Variants in RPS6KC1 observed in about 807,000 individuals in gnomAD.
RPS6KC1 encodes the protein ribosomal protein S6 kinase C1.
A neutral mutation model predicts 103.8 loss-of-function variants in RPS6KC1; 54 were observed. The observed-to-expected ratio is 0.52, with a 90% CI of 0.42 to 0.65. The LOEUF (loss-of-function observed/expected upper bound fraction) is 0.65, where lower values mean the gene tolerates loss of function less well. Ranked by LOEUF, RPS6KC1 falls within the 30% of genes least tolerant of loss-of-function variation. The pLI is 0.00. For synonymous variants in RPS6KC1, 439 were observed against 438.7 expected (o/e 1.00, Z -0.01); for missense variants, 1,151 against 1,253.8 (o/e 0.92, Z 1.24).
the RPS6KC1 span, among the ~76,000 whole-genome samples, chr1:213,550,188 C>T: frequency 6.6e-6 from 1 of 152,144 alleles, no homozygotes; most frequent in Non-Finnish European, 1.5e-5. Flanking sequence ...CAATGGGAGG[C>T]ACAAGCATAG....
chr1:213,806,091 G>A, the RPS6KC1 span, among the ~76,000 whole-genome samples: 1 of 152,176 alleles, frequency 6.6e-6, no homozygotes, highest in East Asian at 1.9e-4. Context: ...CCAGCACTTT[G>A]GCAGGCTGAG....
the RPS6KC1 span, among the ~76,000 whole-genome samples, chr1:213,668,912 G>A: frequency 3.3e-5 from 5 of 152,270 alleles, no homozygotes; most frequent in East Asian, 7.7e-4. Flanking sequence ...CTTTTCTTCT[G>A]CAGCTTCCTC....
chr1:213,594,381 G>A, the RPS6KC1 span, among the ~76,000 whole-genome samples: 1 of 152,120 alleles, frequency 6.6e-6, no homozygotes, highest in African/African-American at 2.4e-5. Context: ...TAATGTTTTG[G>A]ATAGAGGGGT....
chr1:213,699,371 T>G, the RPS6KC1 span, among the ~76,000 whole-genome samples: 1 of 152,150 alleles, frequency 6.6e-6, no homozygotes, highest in East Asian at 1.9e-4. Context: ...GTTCCATCCA[T>G]TTTGTTCCAA....
At chr1:213,603,221 G>C in the RPS6KC1 span, among the ~76,000 whole-genome samples, 1 of 152,230 alleles carries the variant, frequency 6.6e-6, no homozygotes, top group African/African-American at 2.4e-5. Context: ...TTCAGAGCAG[G>C]GCTGCTGGCC....
chr1:213,373,389 ATTTGGGTTTAATGATGTTC>A, the RPS6KC1 span, among the ~76,000 whole-genome samples: 1 of 152,236 alleles, frequency 6.6e-6, no homozygotes, highest in African/African-American at 2.4e-5. Flanking sequence ...GGCACGATGC[ATTTGGGTTTAATGATGTTC>A]TTATTTCAGC....
chr1:213,713,552 A>G, the RPS6KC1 span, among the ~76,000 whole-genome samples: 30,702 of 152,128 alleles, frequency 0.2, 4,470 homozygotes, highest in African/African-American at 0.41. Flanking sequence ...TTTAATTACT[A>G]TCTTTTCATA....
At chr1:213,260,835 C>T (rs2094774405) in intron 12 of RPS6KC1, among the ~76,000 whole-genome samples, 2 of 150,530 alleles carry the variant, frequency 1.3e-5, no homozygotes, top group Non-Finnish European at 2.9e-5. Context: ...CCTGAAAACT[C>T]AAATTACATT....
chr1:213,400,734 TCTCG>T, the RPS6KC1 span, among the ~76,000 whole-genome samples: 2 of 150,956 alleles, frequency 1.3e-5, no homozygotes, highest in African/African-American at 2.4e-5. Flanking sequence ...TGAGACAGAG[TCTCG>T]CTCTGTCACC....
chr1:213,219,972 C>T (rs948143529), intron 8 of RPS6KC1, among the ~76,000 whole-genome samples: 10 of 151,852 alleles, frequency 6.6e-5, no homozygotes, highest in Non-Finnish European at 7.4e-5. Context: ...CAAACCTGCA[C>T]GTTGTGCACA....
At chr1:213,648,637 C>T in the RPS6KC1 span, among the ~76,000 whole-genome samples, 1 of 152,116 alleles carries the variant, frequency 6.6e-6, no homozygotes, top group African/African-American at 2.4e-5. Flanking sequence ...CTCCTACCTA[C>T]CAGCAGGCCA....
the RPS6KC1 span, among the ~76,000 whole-genome samples, chr1:213,329,493 T>C: frequency 6.6e-6 from 1 of 152,130 alleles, no homozygotes; most frequent in Non-Finnish European, 1.5e-5. Flanking sequence ...CTCTCATCTC[T>C]GCAGGAAGCC....
rs917334222 is a variant in RPS6KC1, at chr1:213,093,364, C to T, written c.263-11090C>T. Among the ~76,000 whole-genome samples the T allele has an allele frequency of 5.9e-5, 9 of 152,002 alleles. 1 individual carries two copies. The highest frequency in any genetic ancestry group is 1.9e-4 in the African/African-American group (8 of 41,370). ...TAGCTAGGATTATAGGTGTCTGCCA[C>T]CATGCCCGGCTAATTTTTGTAGTTT... On this transcript the variant is annotated intron_variant, in intron 3 of 14. Transcript: ENST00000366960.
the RPS6KC1 span, among the ~76,000 whole-genome samples, chr1:213,365,648 G>A: frequency 6.6e-6 from 1 of 152,158 alleles, no homozygotes. Context: ...AAGGAATTTT[G>A]CTTCCTGGAT....
intron 8 of RPS6KC1, among the ~76,000 whole-genome samples, chr1:213,183,534 T>C (rs1177916542): frequency 1.3e-5 from 2 of 151,750 alleles, no homozygotes; most frequent in Non-Finnish European, 3.0e-5. Context: ...CAAACAGTTA[T>C]ACTACTAAGT....
At chr1:213,516,016 A>G in the RPS6KC1 span, among the ~76,000 whole-genome samples, 2 of 152,036 alleles carry the variant, frequency 1.3e-5, no homozygotes, top group Non-Finnish European at 2.9e-5. Context: ...TTCACTCATG[A>G]TTTGGCTCTC....
intron 1 of RPS6KC1, 35 bp downstream of exon 1, chr1:213,051,544 A>G: frequency 6.7e-7 from 1 of 1,484,760 alleles, no homozygotes; most frequent in Non-Finnish European, 9.3e-7. Flanking sequence ...TAGAGCTTGG[A>G]TTGGGACCTG....
the RPS6KC1 span, among the ~76,000 whole-genome samples, chr1:213,549,816 C>T: frequency 6.6e-6 from 1 of 151,958 alleles, no homozygotes; most frequent in Non-Finnish European, 1.5e-5. Flanking sequence ...TCATCATCAG[C>T]ACCACCCAAG....
chr1:213,427,798 C>T, the RPS6KC1 span, among the ~76,000 whole-genome samples: 3 of 152,276 alleles, frequency 2.0e-5, no homozygotes, highest in Middle Eastern at 3.4e-3. Context: ...ATCAGCTTAC[C>T]TTGTGATCGG....
Sources: allele counts gnomAD v4.1 joint callset (sites outside exome capture counted in the v4.1 genomes callset), GRCh38; gene constraint gnomAD v4.1.1; transcripts MANE v1.5; gene names NCBI Gene and HGNC (gene_info 2026-07-23, HGNC 2026-07-21).